CAMTA1: variants seen among roughly 807,000 people sequenced by gnomAD.
CAMTA1 encodes calmodulin binding transcription activator 1, also known as calmodulin-binding transcription activator 1.
A neutral mutation model predicts 170.9 loss-of-function variants in CAMTA1; 27 were observed. The observed-to-expected ratio is 0.16, with a 90% CI of 0.12 to 0.22. The LOEUF (loss-of-function observed/expected upper bound fraction) is 0.22. Ranked by LOEUF, CAMTA1 falls within the 10% of genes least tolerant of loss-of-function variation. The pLI, the probability that CAMTA1 is intolerant of heterozygous loss-of-function variation, is 1.00. For missense variants in CAMTA1, 1,619 were observed against 2,217.2 expected (o/e 0.73, Z 5.42); for synonymous variants, 833 against 891.5 (o/e 0.93, Z 1.17).
intron 7 of CAMTA1, among the ~76,000 whole-genome samples, chr1:7,649,824 C>T (rs748347914): frequency 3.3e-5 from 5 of 152,226 alleles, no homozygotes; most frequent in East Asian, 1.9e-4. Context: ...ACCCCACCGA[C>T]GTCCTGGGCC....
intron 3 of CAMTA1, among the ~76,000 whole-genome samples, chr1:7,027,423 G>C (rs917440872): frequency 3.3e-5 from 5 of 152,178 alleles, no homozygotes; most frequent in African/African-American, 1.2e-4. Flanking sequence ...TTGAACCTTA[G>C]TTATATATTT....
At position 7,091,547 on chromosome 1, in the gene CAMTA1, G is replaced by A. The variant is rs186236509; in HGVS notation, c.302+176G>A. 3.3e-4 allele frequency among the ~76,000 whole-genome samples: 51 copies of A among 152,282 alleles called. 1 individual carries two copies. Among genetic ancestry groups the A allele is most frequent in the Admixed American group, 3.3e-3 (51 of 15,298 alleles). ...GACATAAGACTGTGGCAGTGAATAC[G>A]ATCAGATGGATTAAAAAGAGTGCAA... is the stretch of plus-strand genomic sequence containing the variant. On this transcript the variant is annotated intron_variant, in intron 4 of 22. Transcript: ENST00000303635.
In CAMTA1 at chr1:7,100,656, G is replaced by A. The variant is rs115732565; in HGVS notation, c.302+9285G>A. The stretch of plus-strand genomic sequence containing the variant: ...TTCTTGTGTGTGAGGCCCCAGGTGC[G>A]CAGCCCGACCCACACCAAGCCCCGG... On this transcript the variant is annotated intron_variant, in intron 4 of 22. Coordinates refer to ENST00000303635, the MANE Select transcript of CAMTA1 (RefSeq NM_015215.4). 4.0e-3 allele frequency among the ~76,000 whole-genome samples: 610 copies of A among 152,308 alleles called. 5 individuals carry two copies. Among genetic ancestry groups the A allele is most frequent in the African/African-American group, 0.014 (567 of 41,564 alleles).
At chr1:7,761,828 AACAG>A (rs2096978451) in intron 22 of CAMTA1, among the ~76,000 whole-genome samples, 1 of 152,130 alleles carries the variant, frequency 6.6e-6, no homozygotes, top group South Asian at 2.1e-4. Flanking sequence ...ACAGATTAGT[AACAG>A]ACAGATAGAA....
intron 5 of CAMTA1, among the ~76,000 whole-genome samples, chr1:7,450,880 C>G (rs894505844): frequency 9.5e-5 from 2 of 20,954 alleles, no homozygotes; most frequent in African/African-American, 1.2e-3. Context: ...TGCAGGGCAT[C>G]TCATCTTACT....
At chr1:7,434,021 C>T (rs1413547352) in intron 5 of CAMTA1, among the ~76,000 whole-genome samples, 5 of 152,290 alleles carry the variant, frequency 3.3e-5, no homozygotes, top group South Asian at 2.1e-4. Context: ...CTGCCTGCTT[C>T]GCCCTGTCCC....
intron 4 of CAMTA1, among the ~76,000 whole-genome samples, chr1:7,243,744 G>GT (rs1048818770): frequency 7.9e-5 from 12 of 152,264 alleles, no homozygotes; most frequent in Admixed American, 6.5e-4. Flanking sequence ...CTTTAAAGTA[G>GT]TTTTTTTCCA....
intron 6 of CAMTA1, among the ~76,000 whole-genome samples, chr1:7,492,676 C>CAT (rs770837530): frequency 1.7e-4 from 25 of 145,638 alleles, no homozygotes; most frequent in African/African-American, 5.9e-4. Context: ...CGAACACACA[C>CAT]ACACAAACAC....
At chr1:7,480,513 G>A (rs1001453688) in intron 6 of CAMTA1, among the ~76,000 whole-genome samples, 4 of 151,968 alleles carry the variant, frequency 2.6e-5, no homozygotes, top group East Asian at 1.9e-4. Context: ...TCCAGGCCCC[G>A]ATGAGGCTCT....
intron 6 of CAMTA1, among the ~76,000 whole-genome samples, chr1:7,521,018 T>G (rs1575774838): frequency 6.6e-6 from 1 of 152,148 alleles, no homozygotes; most frequent in Admixed American, 6.5e-5. Flanking sequence ...CAATCCTGTA[T>G]TGCTTGTGAT....
rs546044759 is a variant in CAMTA1 at position 7,320,247 on chromosome 1, G to A, written c.438+70621G>A. ...TTACGATACTTGCTGTAAAGTTTTA[G>A]TATGTATTCTTTATCAGATTGAGGA... On this transcript the variant is annotated intron_variant, in intron 5 of 22. Transcript: ENST00000303635. 7.2e-5 allele frequency among the ~76,000 whole-genome samples: 11 copies of A among 152,304 alleles called. No homozygotes were observed. The South Asian group carries it at 2.1e-3, about 29-fold the overall frequency.
intron 6 of CAMTA1, among the ~76,000 whole-genome samples, chr1:7,577,433 T>C (rs2095209837): frequency 6.6e-6 from 1 of 152,156 alleles, no homozygotes; most frequent in Admixed American, 6.5e-5. Flanking sequence ...CATGGCTCCC[T>C]CTAACGGTTG....
chr1:7,706,408 TC>T (rs1464551215), intron 11 of CAMTA1, among the ~76,000 whole-genome samples: 1 of 152,232 alleles, frequency 6.6e-6, no homozygotes, highest in Non-Finnish European at 1.5e-5. Flanking sequence ...GGAGTCTTTT[TC>T]TCTTACTACC....
intron 6 of CAMTA1, among the ~76,000 whole-genome samples, chr1:7,494,480 CTGCTGGGGTCTGGGGGA>C (rs1249552556): frequency 1.5e-4 from 23 of 152,078 alleles, no homozygotes; most frequent in Non-Finnish European, 2.5e-4. Flanking sequence ...CCAAGAGCAG[CTGCTGGGGTCTGGGGGA>C]TGCAGAGGTC....
intron 9 of CAMTA1, among the ~76,000 whole-genome samples, chr1:7,669,153 G>A (rs1468575384): frequency 6.6e-6 from 1 of 152,230 alleles, no homozygotes; most frequent in African/African-American, 2.4e-5. Context: ...GCAGGAGCAG[G>A]CCTCCTGCTT....
chr1:7,568,001 A>G (rs1458490078), intron 6 of CAMTA1, among the ~76,000 whole-genome samples: 1 of 152,214 alleles, frequency 6.6e-6, no homozygotes, highest in Non-Finnish European at 1.5e-5. Context: ...GTTAATAAAT[A>G]GCATGCTCAT....
chr1:6,968,604 C>T (rs926713485), intron 3 of CAMTA1, among the ~76,000 whole-genome samples: 3 of 151,924 alleles, frequency 2.0e-5, no homozygotes, highest in African/African-American at 7.3e-5. Context: ...GGATTGTGAT[C>T]GATGTGTGTC....
At chr1:6,821,087 G>T (rs1646434989) in intron 2 of CAMTA1, among the ~76,000 whole-genome samples, 1 of 152,156 alleles carries the variant, frequency 6.6e-6, no homozygotes, top group African/African-American at 2.4e-5. Flanking sequence ...AAAAATAGAA[G>T]CGGTAAGTTG....
chr1:6,998,225 G>A (rs187125502), intron 3 of CAMTA1, among the ~76,000 whole-genome samples: 13 of 152,014 alleles, frequency 8.6e-5, no homozygotes, highest in African/African-American at 2.4e-4. Context: ...CTACAGGTGC[G>A]TGCCGCCACA....
Sources: allele counts gnomAD v4.1 joint callset (sites outside exome capture counted in the v4.1 genomes callset), GRCh38; gene constraint gnomAD v4.1.1; transcripts MANE v1.5; gene names NCBI Gene and HGNC (gene_info 2026-07-23, HGNC 2026-07-21).